Variants in DCDC2C observed in about 807,000 individuals in gnomAD.
The protein encoded by DCDC2C is doublecortin domain-containing protein 2C.
DCDC2C carries 44 observed loss-of-function variants against 45.0 expected under a neutral mutation model. The observed-to-expected ratio is 0.98, with a 90% CI of 0.77 to 1.26. The LOEUF (loss-of-function observed/expected upper bound fraction) is 1.26. Among genes scored for constraint, DCDC2C ranks in the 50% most tolerant of loss-of-function variants. DCDC2C has a pLI of 0.00. For synonymous variants in DCDC2C, 187 were observed against 178.8 expected (o/e 1.05, Z -0.37); for missense variants, 447 against 468.9 (o/e 0.95, Z 0.43).
rs138446790 is a variant in DCDC2C at position 3,724,119 on chromosome 2, C to T, written c.340-2884C>T. On this transcript the variant is annotated intron_variant, in intron 2 of 10. Coordinates refer to ENST00000399143, the MANE Select transcript of DCDC2C (RefSeq NM_001287444.2). ...ATTCTCATAAGAACTCTGTAACGCACGATGAGATCCATTCTAAAAATTAAT... is the reference window on the plus strand; with the variant it reads ...ATTCTCATAAGAACTCTGTAACGCATGATGAGATCCATTCTAAAAATTAAT... 1.2e-4 allele frequency among the ~76,000 whole-genome samples: 18 copies of T among 152,286 alleles called. No individual in the cohort carries two copies. The East Asian group carries it at 2.7e-3, about 23-fold the overall frequency.
intron 6 of DCDC2C, among the ~76,000 whole-genome samples, chr2:3,756,319 T>C (rs919657581): frequency 2.6e-5 from 4 of 152,182 alleles, no homozygotes; most frequent in African/African-American, 7.2e-5. Context: ...ATTGAACACG[T>C]ACTCTTTCCA....
chr2:3,727,849 A>T (rs1297596752), intron 3 of DCDC2C, among the ~76,000 whole-genome samples: 1 of 152,216 alleles, frequency 6.6e-6, no homozygotes, highest in Non-Finnish European at 1.5e-5. Flanking sequence ...TATGCAGCAC[A>T]CTGTGGTGAG....
intron 6 of DCDC2C, among the ~76,000 whole-genome samples, chr2:3,760,958 C>A (rs1451075038): frequency 2.0e-5 from 3 of 152,176 alleles, no homozygotes; most frequent in Non-Finnish European, 4.4e-5. Context: ...TATTGGTTCA[C>A]TTCACTTATT....
intron 10 of DCDC2C, among the ~76,000 whole-genome samples, chr2:3,789,518 C>T (rs140387807): frequency 6.6e-6 from 1 of 152,332 alleles, no homozygotes; most frequent in East Asian, 1.9e-4. Flanking sequence ...TGTTAATGCT[C>T]TCATCCTTCA....
chr2:3,749,259 T>G (rs1156357908), intron 4 of DCDC2C, among the ~76,000 whole-genome samples: 3 of 152,236 alleles, frequency 2.0e-5, no homozygotes, highest in Non-Finnish European at 4.4e-5. Context: ...GTGCTCACAT[T>G]TTCTGATATA....
intron 6 of DCDC2C, 116 bp downstream of exon 6, chr2:3,754,750 G>C (rs1669642848): frequency 1.2e-6 from 1 of 838,140 alleles, no homozygotes; most frequent in Admixed American, 2.8e-5. Context: ...ATCAGTGCCA[G>C]GGCCTGGGCC....
At chr2:3,829,004 A>G (rs543620475) in intron 10 of DCDC2C, among the ~76,000 whole-genome samples, 31 of 152,318 alleles carry the variant, frequency 2.0e-4, no homozygotes, top group Admixed American at 1.3e-3. Context: ...GACACAAGAA[A>G]CCAAAAAATA....
Position 3,703,626 on chromosome 2 carries a change from T to G in DCDC2C, c.-126T>G. On this transcript the variant is annotated 5_prime_UTR_variant, in exon 1 of 11. Coordinates refer to ENST00000399143, the MANE Select transcript of DCDC2C (RefSeq NM_001287444.2). This position sits in a 1 kb window ranked among gnomAD's most constrained non-coding sequence, Gnocchi z 4.4. ...CCGTCCCGTCCCCGTCCCGTCCCCG[T>G]CCTGCGCCAGCGGCTGGAGCGGACC... 2 of 947,144 alleles carry G rather than the reference T, an allele frequency of 2.1e-6. No individual in the cohort carries two copies. Among genetic ancestry groups the G allele is most frequent in the Non-Finnish European group, 2.7e-6 (2 of 737,702 alleles). 58.7% of individuals were successfully genotyped at this position (947,144 alleles called of 1,614,324 possible).
chr2:3,810,011 T>C (rs1170863071), intron 10 of DCDC2C, among the ~76,000 whole-genome samples: 1 of 152,194 alleles, frequency 6.6e-6, no homozygotes, highest in Non-Finnish European at 1.5e-5. Context: ...CATTTGGGTT[T>C]GTTCCAAGTC....
intron 10 of DCDC2C, among the ~76,000 whole-genome samples, chr2:3,813,872 G>T (rs962847141): frequency 6.6e-6 from 1 of 150,920 alleles, no homozygotes; most frequent in Admixed American, 6.6e-5. Context: ...TATCCAATTT[G>T]CCAGTCTGTG....
At chr2:3,786,820 CTCGATTGAA>C (rs1398671718) in intron 10 of DCDC2C, among the ~76,000 whole-genome samples, 23 of 152,372 alleles carry the variant, frequency 1.5e-4, no homozygotes, top group African/African-American at 5.5e-4. Flanking sequence ...TGTTAAGTAA[CTCGATTGAA>C]TCAATCAACA....
intron 10 of DCDC2C, among the ~76,000 whole-genome samples, chr2:3,829,060 G>A (rs181967815): frequency 3.2e-4 from 48 of 152,132 alleles, no homozygotes; most frequent in Admixed American, 1.2e-3. Context: ...ACTTTGCTTC[G>A]AAGTGTTCAC....
At chr2:3,814,406 A>C (rs1398321861) in intron 10 of DCDC2C, among the ~76,000 whole-genome samples, 2 of 152,120 alleles carry the variant, frequency 1.3e-5, no homozygotes, top group South Asian at 4.2e-4. Flanking sequence ...TGGTTATTTT[A>C]GTTAGCAATT....
intron 3 of DCDC2C, among the ~76,000 whole-genome samples, chr2:3,727,544 C>A (rs1668729447): frequency 6.6e-6 from 1 of 152,206 alleles, no homozygotes; most frequent in African/African-American, 2.4e-5. Flanking sequence ...TACAGCACAT[C>A]CAAGTCAGGT....
intron 10 of DCDC2C, among the ~76,000 whole-genome samples, chr2:3,838,726 A>G (rs1672142569): frequency 6.6e-6 from 1 of 152,116 alleles, no homozygotes; most frequent in Non-Finnish European, 1.5e-5. Flanking sequence ...ATCATTTGAG[A>G]GGGTACTGTG....
chr2:3,820,390 T>C (rs1439829604), intron 10 of DCDC2C, among the ~76,000 whole-genome samples: 1 of 152,006 alleles, frequency 6.6e-6, no homozygotes, highest in Non-Finnish European at 1.5e-5. Flanking sequence ...TTGCCCATAA[T>C]GAAGCAGGCA....
intron 10 of DCDC2C, among the ~76,000 whole-genome samples, chr2:3,821,046 A>G (rs950416095): frequency 1.3e-5 from 2 of 152,172 alleles, no homozygotes; most frequent in African/African-American, 4.8e-5. Flanking sequence ...GAGTCCAAAA[A>G]GAGAGTCAGC....
Position 3,713,340 on chromosome 2 carries a change from C to T in DCDC2C, c.339+4740C>T, listed in dbSNP as rs987444374. 1.2e-4 allele frequency among the ~76,000 whole-genome samples: 18 copies of T among 152,286 alleles called. No individual in the cohort carries two copies. In the South Asian group the frequency reaches 1.9e-3, roughly 16 times the overall value. The stretch of plus-strand genomic sequence containing the variant: ...TGCAAAGCAGCTCTCCCAGGGAAAA[C>T]GCGGGGAGCCAGCAGGATGGGGCAC... On this transcript the variant is annotated intron_variant, in intron 2 of 10. Coordinates refer to ENST00000399143, the MANE Select transcript of DCDC2C (RefSeq NM_001287444.2).
chr2:3,813,968 G>A (rs113206873), intron 10 of DCDC2C, among the ~76,000 whole-genome samples: 4,987 of 152,140 alleles, frequency 0.033, 162 homozygotes, highest in Middle Eastern at 0.044. Flanking sequence ...ATGCTAGCTG[G>A]TTATTTTGCA....
Sources: gnomAD v4.1 joint callset for allele counts (sites outside exome capture counted in the v4.1 genomes callset) on GRCh38, gnomAD v4.1.1 for gene constraint, Gnocchi (gnomAD v3.1) non-coding constraint, MANE v1.5 for transcripts, NCBI Gene and HGNC (gene_info 2026-07-23, HGNC 2026-07-21) for gene names.